Variants in PAM observed in about 807,000 individuals in gnomAD.
The protein encoded by PAM is peptidylglycine alpha-amidating monooxygenase.
A neutral mutation model predicts 122.1 loss-of-function variants in PAM; 72 were observed. The ratio of observed to expected loss-of-function variants is 0.59; its 90% CI spans 0.49 to 0.72. The LOEUF is 0.72. Ranked by LOEUF, PAM falls within the 30% of genes least tolerant of loss-of-function variation. PAM has a pLI of 0.00. For missense variants in PAM, 1,106 were observed against 1,183.7 expected, an observed-to-expected ratio of 0.93 and a Z score of 0.96; for synonymous variants, 389 against 404.4, an observed-to-expected ratio of 0.96 and a Z score of 0.46.
chr5:102,891,073 G>C (rs887719613), intron 3 of PAM, among the ~76,000 whole-genome samples: 5 of 151,844 alleles, frequency 3.3e-5, no homozygotes, highest in Non-Finnish European at 5.9e-5. Flanking sequence ...AGGAAAAAAT[G>C]ACTCAATGCT....
At chr5:102,842,929 C>G (rs1779008483) in intron 1 of PAM, among the ~76,000 whole-genome samples, 1 of 152,156 alleles carries the variant, frequency 6.6e-6, no homozygotes, top group Non-Finnish European at 1.5e-5. Flanking sequence ...TAGAGACATT[C>G]TTATCCCACC....
At chr5:102,827,343 C>A (rs1428021126) in intron 1 of PAM, among the ~76,000 whole-genome samples, 1 of 152,128 alleles carries the variant, frequency 6.6e-6, no homozygotes, top group African/African-American at 2.4e-5. Context: ...AACCTGAAAC[C>A]CTTCTGGTCC....
In PAM at chr5:103,029,263, C is replaced by T. The variant is rs755184493; in HGVS notation, c.*198C>T. 28 of 418,962 alleles carry T rather than the reference C, an allele frequency of 6.7e-5. No individual in the cohort carries two copies. The highest frequency in any genetic ancestry group is 8.4e-5 in the Non-Finnish European group (20 of 238,596). 26.0% of individuals were successfully genotyped at this position (418,962 alleles called of 1,614,324 possible). On this transcript the variant is annotated 3_prime_UTR_variant, in exon 26 of 26. Coordinates refer to ENST00000438793, the MANE Select transcript of PAM (RefSeq NM_001177306.2). Reference sequence around the variant, plus strand: ...AGTTTCCTAAAAGTTCATAACAGTGCCATTGTCTTTATATGAACATAGACT... The same window carrying T: ...AGTTTCCTAAAAGTTCATAACAGTGTCATTGTCTTTATATGAACATAGACT...
At chr5:102,840,923 A>G (rs1778417232) in intron 1 of PAM, among the ~76,000 whole-genome samples, 1 of 152,206 alleles carries the variant, frequency 6.6e-6, no homozygotes, top group Admixed American at 6.5e-5. Context: ...GATGAAGGTG[A>G]AAGGGGAAAA....
chr5:102,862,600 G>A (rs73192721), intron 1 of PAM, among the ~76,000 whole-genome samples: 13,404 of 152,144 alleles, frequency 0.088, 1,453 homozygotes, highest in African/African-American at 0.25. Flanking sequence ...GAGTGGGAAC[G>A]TTATCTGTCT....
chr5:102,903,372 T>C (rs1798560386), intron 4 of PAM, among the ~76,000 whole-genome samples: 1 of 151,474 alleles, frequency 6.6e-6, no homozygotes. Flanking sequence ...AACTGGAAAA[T>C]GGAAAACTAG....
chr5:102,779,918 T>TATATATATATACACAC (rs147065045), intron 1 of PAM, among the ~76,000 whole-genome samples: 106 of 95,630 alleles, frequency 1.1e-3, no homozygotes, highest in South Asian at 7.0e-3. Context: ...TATATATATA[T>TATATATATATACACAC]ACACACATAT....
rs753676562 is a variant in PAM, at chr5:102,866,233, T to C, written c.38T>C (p.Val13Ala). Residue 13 changes from valine to alanine, a missense_variant, in exon 2 of 26, where the codon GTT (valine) becomes GCT (alanine). By Grantham distance (64) the Val-to-Ala change is moderately conservative (BLOSUM62 0). This residue lies in a region of PAM where 670 missense variants were observed against 690.3 expected (regional missense o/e 0.97). Transcript: ENST00000438793. The stretch of plus-strand genomic sequence containing the variant: ...GTCCCTAGCCTGCTAGTTCTCCTTG[T>C]TTTTCCAAGCAGCTGTTTGGCTTTC... ...GRVPSLLVLL[V>A]FPSSCLAFRS... 3.1e-6 allele frequency: 5 copies of C among 1,613,842 alleles called. No homozygotes were observed. The South Asian group carries it at 5.5e-5, about 18-fold the overall frequency.
At chr5:102,758,077 T>G (rs1252389811) in intron 1 of PAM, among the ~76,000 whole-genome samples, 8 of 28,690 alleles carry the variant, frequency 2.8e-4, no homozygotes, top group Non-Finnish European at 2.6e-4. Context: ...AATTTTGTTT[T>G]TTTTTTTTTT....
At chr5:102,923,915 C>A (rs1226885439) in intron 5 of PAM, among the ~76,000 whole-genome samples, 3 of 152,162 alleles carry the variant, frequency 2.0e-5, no homozygotes, top group Non-Finnish European at 4.4e-5. Flanking sequence ...TTAAATAATG[C>A]ATTGCCCTGG....
intron 7 of PAM, among the ~76,000 whole-genome samples, chr5:102,927,545 G>A (rs1750013904): frequency 1.3e-5 from 2 of 152,042 alleles, no homozygotes; most frequent in Admixed American, 6.6e-5. Context: ...CAGCAACTAA[G>A]TTTGGAAGTA....
chr5:102,954,675 G>T (rs1371571872), intron 12 of PAM, among the ~76,000 whole-genome samples: 3 of 151,972 alleles, frequency 2.0e-5, no homozygotes, highest in Non-Finnish European at 2.9e-5. Context: ...TTATATTCAG[G>T]ATGATACTTC....
intron 7 of PAM, among the ~76,000 whole-genome samples, chr5:102,931,517 G>A (rs1333233452): frequency 1.3e-5 from 2 of 152,056 alleles, no homozygotes; most frequent in African/African-American, 2.4e-5. Context: ...ATTTCTTCTC[G>A]ATGTTTTGGC....
rs1382748603 is a variant in PAM, at chr5:102,840,032, A to C, written c.-373-25791A>C. ...ACTAGAGGTTCTAACCAGAGCAATAAAACAAGAAAAATGAAAGTTCAAATA... is the reference window on the plus strand; with the variant it reads ...ACTAGAGGTTCTAACCAGAGCAATACAACAAGAAAAATGAAAGTTCAAATA... On this transcript the variant is annotated intron_variant, in intron 1 of 25. Coordinates refer to ENST00000438793, the MANE Select transcript of PAM (RefSeq NM_001177306.2). Among the ~76,000 whole-genome samples the C allele has an allele frequency of 3.3e-5, 5 of 152,290 alleles. No individual in the cohort carries two copies. In the South Asian group the frequency reaches 8.3e-4, roughly 25 times the overall value.
chr5:102,997,210 A>G (rs1172978307), intron 16 of PAM, among the ~76,000 whole-genome samples: 1 of 152,202 alleles, frequency 6.6e-6, no homozygotes, highest in Non-Finnish European at 1.5e-5. Context: ...ACTGGGAAAG[A>G]TATCTTGATA....
chr5:102,908,623 C>T (rs1198737954), intron 4 of PAM, among the ~76,000 whole-genome samples: 1 of 151,068 alleles, frequency 6.6e-6, no homozygotes, highest in Non-Finnish European at 1.5e-5. Flanking sequence ...TGCTAAATGA[C>T]GAGTTAGTGG....
At chr5:102,818,909 A>G (rs1770802387) in intron 1 of PAM, among the ~76,000 whole-genome samples, 1 of 152,138 alleles carries the variant, frequency 6.6e-6, no homozygotes, top group Non-Finnish European at 1.5e-5. Flanking sequence ...TCTTTTCATC[A>G]TATTTGTGCA....
intron 1 of PAM, among the ~76,000 whole-genome samples, chr5:102,782,662 C>A (rs144237931): frequency 1.8e-3 from 272 of 151,872 alleles, no homozygotes; most frequent in African/African-American, 6.4e-3. Context: ...AAGTCAGAAT[C>A]AGTTAAGTAC....
chr5:102,909,958 T>G (rs1263320358), intron 4 of PAM, among the ~76,000 whole-genome samples: 1 of 151,872 alleles, frequency 6.6e-6, no homozygotes, highest in Admixed American at 6.6e-5. Flanking sequence ...CAGAATATTT[T>G]TTGGCTAAAA....
Sources: allele counts gnomAD v4.1 joint callset (sites outside exome capture counted in the v4.1 genomes callset), GRCh38; gene constraint gnomAD v4.1.1; regional missense constraint gnomAD v4.1.1; transcripts MANE v1.5; gene names NCBI Gene and HGNC (gene_info 2026-07-23, HGNC 2026-07-21).